The following PSD3 variants were observed in gnomAD, a reference collection of about 807,000 sequenced individuals.
PSD3 encodes the protein PH and SEC7 domain-containing protein 3.
A neutral mutation model predicts 105.5 loss-of-function variants in PSD3; 49 were observed. That is an observed-to-expected ratio of 0.46 (90% CI 0.37 to 0.59). PSD3 has a LOEUF of 0.59. Among genes scored for constraint, PSD3 ranks in the 20% least tolerant of loss-of-function variants. PSD3 has a pLI of 0.00. For synonymous variants in PSD3, 557 were observed against 457.8 expected (o/e 1.22, Z -2.77); for missense variants, 1,561 against 1,263.8 (o/e 1.24, Z -3.57).
At chr8:18,982,267 A>T (rs1418584672) in intron 1 of PSD3, among the ~76,000 whole-genome samples, 1 of 152,146 alleles carries the variant, frequency 6.6e-6, no homozygotes, top group Non-Finnish European at 1.5e-5. Context: ...CTCCATTTTT[A>T]ATTCTAGTTC....
chr8:18,865,514 C>G (rs1350356379), intron 4 of PSD3, among the ~76,000 whole-genome samples: 1 of 151,704 alleles, frequency 6.6e-6, no homozygotes, highest in African/African-American at 2.4e-5. Flanking sequence ...TAGAGACATA[C>G]ATCACAAAAT....
chr8:18,613,895 G>C (rs1428302480), intron 11 of PSD3, among the ~76,000 whole-genome samples: 1 of 152,138 alleles, frequency 6.6e-6, no homozygotes, highest in Non-Finnish European at 1.5e-5. Flanking sequence ...AACAATAAAT[G>C]AACTATGGAC....
At chr8:18,889,582 AAAACAAAC>A (rs969487477) in intron 2 of PSD3, among the ~76,000 whole-genome samples, 10 of 152,186 alleles carry the variant, frequency 6.6e-5, no homozygotes, top group African/African-American at 2.4e-4. Context: ...CCCTTCTGAA[AAAACAAAC>A]AAACAAACAA....
chr8:18,819,334 A>G (rs996423858), intron 4 of PSD3, among the ~76,000 whole-genome samples: 1 of 152,134 alleles, frequency 6.6e-6, no homozygotes, highest in Non-Finnish European at 1.5e-5. Flanking sequence ...TTGAATCACC[A>G]AAAAGAATCC....
At chr8:18,721,958 A>G (rs1254462056) in intron 9 of PSD3, among the ~76,000 whole-genome samples, 1 of 152,132 alleles carries the variant, frequency 6.6e-6, no homozygotes, top group African/African-American at 2.4e-5. Flanking sequence ...TAGTAATGCC[A>G]CGTAATTTAA....
chr8:18,891,482 T>G lies in PSD3; in HGVS notation c.131-18749A>C, dbSNP rs1409305095. ...TCTAAGTTATTTGAGATACAGCAAT[T>G]TTTTAAATGTGTGATGGAAGTTCTA... is the stretch of plus-strand genomic sequence containing the variant. On this transcript the variant is annotated intron_variant, in intron 2 of 15. Transcript: ENST00000327040. Among the ~76,000 whole-genome samples the G allele has an allele frequency of 2.0e-5, 3 of 152,176 alleles. 1 individual carries two copies. The highest frequency in any genetic ancestry group is 4.4e-5 in the Non-Finnish European group (3 of 68,026).
At chr8:18,743,719 T>C (rs1381301397) in intron 9 of PSD3, among the ~76,000 whole-genome samples, 1 of 151,346 alleles carries the variant, frequency 6.6e-6, no homozygotes, top group Non-Finnish European at 1.5e-5. Flanking sequence ...GGAAGATTAC[T>C]TGAGGCCAGG....
chr8:18,910,316 G>A lies in PSD3; in HGVS notation c.130+25718C>T, dbSNP rs571166731. Among the ~76,000 whole-genome samples, 599 of 141,356 alleles carry A rather than the reference G, an allele frequency of 4.2e-3. 5 individuals carry two copies. The highest frequency in any genetic ancestry group is 0.015 in the African/African-American group (562 of 37,356). 92.7% of individuals were successfully genotyped at this position (141,356 alleles called of 152,430 possible). ...GGAATACTATGCAGCCATAAAAAAT[G>A]ATGAGTTCATATCCTTTGTAGGGAC... On this transcript the variant is annotated intron_variant, in intron 2 of 15. Transcript: ENST00000327040.
At chr8:18,768,087 A>G (rs1807178969) in intron 8 of PSD3, among the ~76,000 whole-genome samples, 1 of 147,368 alleles carries the variant, frequency 6.8e-6, no homozygotes, top group South Asian at 2.2e-4. Context: ...CCTGGCCAAC[A>G]TAATAGAATC....
At chr8:18,802,845 G>A (rs369277346) in intron 6 of PSD3, among the ~76,000 whole-genome samples, 36 of 152,206 alleles carry the variant, frequency 2.4e-4, no homozygotes, top group African/African-American at 8.4e-4. Flanking sequence ...AATGTAAAAA[G>A]TGAGAATCAG....
chr8:18,750,425 GTGGGCTCGTGGTCTTGC>G (rs1252708296), intron 9 of PSD3, among the ~76,000 whole-genome samples: 1 of 152,132 alleles, frequency 6.6e-6, no homozygotes, highest in Admixed American at 6.5e-5. Context: ...GTTCCTCCCG[GTGGGCTCGTGGTCTTGC>G]TGGGCTCAGG....
chr8:18,761,246 C>A (rs1171336430), intron 9 of PSD3, among the ~76,000 whole-genome samples: 1 of 152,102 alleles, frequency 6.6e-6, no homozygotes, highest in Non-Finnish European at 1.5e-5. Flanking sequence ...TTTCAAAGAG[C>A]AGAGGCTATG....
At chr8:18,920,949 G>C (rs899188307) in intron 2 of PSD3, among the ~76,000 whole-genome samples, 1 of 152,122 alleles carries the variant, frequency 6.6e-6, no homozygotes, top group Non-Finnish European at 1.5e-5. Context: ...AGTGACTCCA[G>C]AATCTCTGCG....
At chr8:19,078,564 C>A (rs1020264576) in intron 1 of PSD3, among the ~76,000 whole-genome samples, 1 of 151,966 alleles carries the variant, frequency 6.6e-6, no homozygotes, top group African/African-American at 2.4e-5. Context: ...CTCTCTGCTC[C>A]CCATCAACCT....
chr8:18,952,857 C>T (rs554949411), intron 1 of PSD3, among the ~76,000 whole-genome samples: 3 of 152,188 alleles, frequency 2.0e-5, no homozygotes, highest in East Asian at 3.9e-4. Context: ...ATTGAGGAGA[C>T]GAGGTGATGG....
intron 1 of PSD3, among the ~76,000 whole-genome samples, chr8:19,071,208 C>T (rs1459607816): frequency 6.6e-6 from 1 of 152,032 alleles, no homozygotes; most frequent in African/African-American, 2.4e-5. Context: ...TACAGGTGTG[C>T]ACCACCATGC....
chr8:19,002,794 A>T (rs1826473797), intron 1 of PSD3, among the ~76,000 whole-genome samples: 1 of 152,134 alleles, frequency 6.6e-6, no homozygotes, highest in Admixed American at 6.6e-5. Context: ...GGTTGATTGA[A>T]TGCATGATGC....
At chr8:19,004,345 A>G (rs1165100548) in intron 1 of PSD3, among the ~76,000 whole-genome samples, 1 of 152,044 alleles carries the variant, frequency 6.6e-6, no homozygotes, top group East Asian at 1.9e-4. Flanking sequence ...TTAAAAAACA[A>G]TATTTGTTAC....
chr8:18,791,332 T>C (rs1444812853), intron 8 of PSD3, among the ~76,000 whole-genome samples: 2 of 151,974 alleles, frequency 1.3e-5, no homozygotes, highest in African/African-American at 4.8e-5. Context: ...CAAACTGTAC[T>C]ACAGGGCTAC....
Sources: allele counts gnomAD v4.1 joint callset (sites outside exome capture counted in the v4.1 genomes callset), GRCh38; gene constraint gnomAD v4.1.1; transcripts MANE v1.5; gene names NCBI Gene and HGNC (gene_info 2026-07-23, HGNC 2026-07-21).